The following RAP1A variants were observed in gnomAD, a reference collection of about 807,000 sequenced individuals.
RAP1A encodes the protein RAP1A, member of RAS oncogene family.
Under a neutral mutation model 26.4 loss-of-function variants are expected in RAP1A, and 6 were observed. The ratio of observed to expected loss-of-function variants is 0.23; its 90% CI spans 0.12 to 0.45. RAP1A has a LOEUF of 0.45. RAP1A is among the 20% of genes least tolerant of loss of function. The pLI, the probability that RAP1A is intolerant of heterozygous loss-of-function variation, is 0.99. For missense variants in RAP1A, 121 were observed against 217.2 expected (o/e 0.56, Z 2.78); for synonymous variants, 73 against 79.4 (o/e 0.92, Z 0.43).
At chr1:111,662,232 A>G (rs1660661251) in intron 1 of RAP1A, among the ~76,000 whole-genome samples, 3 of 151,926 alleles carry the variant, frequency 2.0e-5, no homozygotes, top group African/African-American at 4.8e-5. Context: ...CGTCTCTACT[A>G]AAAATACAAA....
chr1:111,697,321 C>CA, intron 3 of RAP1A, 120 bp from the exon 4 acceptor site: 1 of 1,553,264 alleles, frequency 6.4e-7, no homozygotes. Context: ...GCCATTACAG[C>CA]ATACTGCTGG....
At chr1:111,552,602 A>G (rs1178693063) in intron 1 of RAP1A, among the ~76,000 whole-genome samples, 3 of 152,140 alleles carry the variant, frequency 2.0e-5, no homozygotes, top group Non-Finnish European at 4.4e-5. Context: ...ACAGCCAGTT[A>G]TTCCTTTAAA....
chr1:111,562,013 T>G (rs1354907709), intron 1 of RAP1A, among the ~76,000 whole-genome samples: 2 of 152,080 alleles, frequency 1.3e-5, no homozygotes, highest in Admixed American at 6.5e-5. Flanking sequence ...CCCTCCACAC[T>G]CTGAACCCAA....
chr1:111,566,970 G>A (rs1454136140), intron 1 of RAP1A, among the ~76,000 whole-genome samples: 1 of 151,882 alleles, frequency 6.6e-6, no homozygotes, highest in Admixed American at 6.6e-5. Flanking sequence ...TGCAAATGAG[G>A]GGCCCTGACA....
chr1:111,594,157 C>G (rs955370807), intron 1 of RAP1A, among the ~76,000 whole-genome samples: 2 of 152,156 alleles, frequency 1.3e-5, no homozygotes, highest in African/African-American at 4.8e-5. Context: ...AGTATAAAAC[C>G]AGATGCCACG....
intron 1 of RAP1A, chr1:111,648,719 C>T (rs1660160463): frequency 5.1e-6 from 3 of 584,798 alleles, no homozygotes; most frequent in South Asian, 3.0e-5. Flanking sequence ...CCTCTCCAGC[C>T]TCAGCAGACT....
chr1:111,611,692 A>G (rs1658929461), intron 1 of RAP1A, among the ~76,000 whole-genome samples: 1 of 103,838 alleles, frequency 9.6e-6, no homozygotes, highest in African/African-American at 3.5e-5. Flanking sequence ...AATTTGCCCA[A>G]GGTTACACAC....
intron 3 of RAP1A, 106 bp from the exon 4 acceptor site, chr1:111,697,335 C>A: frequency 6.3e-7 from 1 of 1,580,774 alleles, no homozygotes; most frequent in Non-Finnish European, 8.6e-7. Flanking sequence ...CTGCTGGAGA[C>A]AGGCTTTGTA....
chr1:111,711,378 AG>A (rs1222385315), intron 7 of RAP1A, among the ~76,000 whole-genome samples: 1 of 152,224 alleles, frequency 6.6e-6, no homozygotes, highest in African/African-American at 2.4e-5. Context: ...TTAAAGGAAA[AG>A]GTGCCATCTC....
chr1:111,620,381 C>A (rs951622646), intron 1 of RAP1A, among the ~76,000 whole-genome samples: 1 of 152,212 alleles, frequency 6.6e-6, no homozygotes, highest in Non-Finnish European at 1.5e-5. Flanking sequence ...TCTTGCATGT[C>A]CCCTGTCTAG....
chr1:111,672,027 T>C (rs1280427874), intron 1 of RAP1A, among the ~76,000 whole-genome samples: 2 of 152,238 alleles, frequency 1.3e-5, no homozygotes. Context: ...TGGTCTGTTC[T>C]AGTAAATTAT....
chr1:111,621,691 A>AGAATATGAT (rs1659208444), intron 1 of RAP1A, among the ~76,000 whole-genome samples: 1 of 152,220 alleles, frequency 6.6e-6, no homozygotes, highest in African/African-American at 2.4e-5. Context: ...GACACCTTTG[A>AGAATATGAT]GAATATGATG....
intron 4 of RAP1A, 84 bp downstream of exon 4, chr1:111,697,581 T>C: frequency 6.3e-7 from 1 of 1,578,740 alleles, no homozygotes; most frequent in Non-Finnish European, 8.6e-7. Context: ...TCCAGATAAT[T>C]CTGAGTAAAA....
chr1:111,588,062 G>A (rs1281603326), intron 1 of RAP1A, among the ~76,000 whole-genome samples: 1 of 152,106 alleles, frequency 6.6e-6, no homozygotes, highest in East Asian at 1.9e-4. Context: ...ACTTCTCTCT[G>A]CGTTGATGAT....
At chr1:111,588,509 C>G (rs112984543) in intron 1 of RAP1A, among the ~76,000 whole-genome samples, 2 of 152,170 alleles carry the variant, frequency 1.3e-5, no homozygotes, top group South Asian at 2.1e-4. Flanking sequence ...CCCCATGATA[C>G]GCCCCTGCCC....
At chr1:111,647,548 G>T (rs757364542) in intron 1 of RAP1A, among the ~76,000 whole-genome samples, 14 of 152,084 alleles carry the variant, frequency 9.2e-5, no homozygotes, top group Non-Finnish European at 1.8e-4. Context: ...GTAGATAAAC[G>T]TAACAGATAT....
chr1:111,559,506 T>C (rs1020184047), intron 1 of RAP1A, among the ~76,000 whole-genome samples: 4 of 152,194 alleles, frequency 2.6e-5, no homozygotes, highest in Non-Finnish European at 4.4e-5. Context: ...CCCAGCTGTG[T>C]GTCTTTAGGT....
chr1:111,709,595 A>C (rs1049488062), intron 7 of RAP1A, among the ~76,000 whole-genome samples: 1 of 152,216 alleles, frequency 6.6e-6, no homozygotes, highest in Non-Finnish European at 1.5e-5. Context: ...GAAGTGAAAC[A>C]GTAGTTGCTC....
intron 1 of RAP1A, chr1:111,648,528 G>C (rs1297386246): frequency 5.4e-6 from 3 of 559,518 alleles, no homozygotes; most frequent in Admixed American, 4.4e-5. Flanking sequence ...CTCTGCCCGG[G>C]TCTGTGCCAG....
Sources: allele counts gnomAD v4.1 joint callset (sites outside exome capture counted in the v4.1 genomes callset), GRCh38; gene constraint gnomAD v4.1.1; transcripts MANE v1.5; gene names NCBI Gene and HGNC (gene_info 2026-07-23, HGNC 2026-07-21).